Variants in SLC1A2 observed in about 807,000 individuals in gnomAD.
SLC1A2 encodes excitatory amino acid transporter 2.
Under a neutral mutation model 48.8 loss-of-function variants are expected in SLC1A2, and 15 were observed. That is an observed-to-expected ratio of 0.31 (90% CI 0.21 to 0.47). The LOEUF (loss-of-function observed/expected upper bound fraction) is 0.47. Among genes scored for constraint, SLC1A2 ranks in the 20% least tolerant of loss-of-function variants. The pLI, the probability that SLC1A2 is intolerant of heterozygous loss-of-function variation, is 0.99. For missense variants in SLC1A2, 502 were observed against 730.5 expected (o/e 0.69, Z 3.61); for synonymous variants, 279 against 272.6 (o/e 1.02, Z -0.23).
chr11:35,382,130 T>C (rs115245915), intron 1 of SLC1A2, among the ~76,000 whole-genome samples: 3,860 of 152,248 alleles, frequency 0.025, 154 homozygotes, highest in African/African-American at 0.088. Flanking sequence ...AACTAAGAAA[T>C]GAAATCAAAC....
At chr11:35,393,416 C>G (rs2135247347) in intron 1 of SLC1A2, among the ~76,000 whole-genome samples, 1 of 152,292 alleles carries the variant, frequency 6.6e-6, no homozygotes, top group South Asian at 2.1e-4. Context: ...CAGGCCAGCC[C>G]AGCTCCTGAC....
intron 1 of SLC1A2, among the ~76,000 whole-genome samples, chr11:35,336,189 G>C (rs1372866069): frequency 1.3e-5 from 2 of 152,136 alleles, no homozygotes; most frequent in East Asian, 3.9e-4. Flanking sequence ...TGGGGGTAGA[G>C]CATTAGGAAA....
intron 1 of SLC1A2, among the ~76,000 whole-genome samples, chr11:35,350,124 T>C (rs1853191392): frequency 6.6e-6 from 1 of 152,220 alleles, no homozygotes; most frequent in Non-Finnish European, 1.5e-5. Context: ...AATACCTATC[T>C]GCTAAGATGT....
chr11:35,386,121 GC>G (rs1854577934), intron 1 of SLC1A2, among the ~76,000 whole-genome samples: 1 of 152,040 alleles, frequency 6.6e-6, no homozygotes, highest in African/African-American at 2.4e-5. Context: ...AGCCGAGATG[GC>G]GCCACTGCAC....
intron 9 of SLC1A2, among the ~76,000 whole-genome samples, chr11:35,274,950 T>A (rs1850393516): frequency 6.6e-6 from 1 of 152,194 alleles, no homozygotes; most frequent in Non-Finnish European, 1.5e-5. Flanking sequence ...GGTGCTCATA[T>A]ACCCACAATC....
At chr11:35,388,932 A>G (rs1854670377) in intron 1 of SLC1A2, among the ~76,000 whole-genome samples, 1 of 152,164 alleles carries the variant, frequency 6.6e-6, no homozygotes, top group African/African-American at 2.4e-5. Context: ...AATAATAAAC[A>G]CCGGGGACTC....
At chr11:35,305,297 G>T (rs747060042) in intron 5 of SLC1A2, among the ~76,000 whole-genome samples, 53 of 152,176 alleles carry the variant, frequency 3.5e-4, no homozygotes, top group Non-Finnish European at 5.9e-4. Context: ...AGCTCATACG[G>T]AGAGAGCACA....
chr11:35,281,067 T>C (rs1850618087), intron 8 of SLC1A2, 66 bp from the exon 9 acceptor site: 1 of 1,460,872 alleles, frequency 6.8e-7, no homozygotes, highest in Non-Finnish European at 9.1e-7. Flanking sequence ...ACCCTGGCAA[T>C]TTTAAGCTCT....
At chr11:35,307,590 T>C (rs141628125) in intron 4 of SLC1A2, among the ~76,000 whole-genome samples, 1 of 152,354 alleles carries the variant, frequency 6.6e-6, no homozygotes, top group African/African-American at 2.4e-5. Flanking sequence ...AGGTAACAGA[T>C]GGCTGAACCC....
chr11:35,335,669 C>T (rs1232852602), intron 1 of SLC1A2, among the ~76,000 whole-genome samples: 1 of 152,130 alleles, frequency 6.6e-6, no homozygotes, highest in Non-Finnish European at 1.5e-5. Flanking sequence ...CAAGCAAAAT[C>T]TGATCCAGTC....
chr11:35,365,596 G>A (rs980134991), intron 1 of SLC1A2, among the ~76,000 whole-genome samples: 2 of 64,666 alleles, frequency 3.1e-5, no homozygotes, highest in African/African-American at 1.9e-4. Context: ...ACCCCGCTCT[G>A]CTGTCTCTGT....
intron 1 of SLC1A2, among the ~76,000 whole-genome samples, chr11:35,400,423 A>G (rs1368532495): frequency 6.6e-6 from 1 of 152,238 alleles, no homozygotes; most frequent in Non-Finnish European, 1.5e-5. Context: ...TGCTCCCACT[A>G]TAAAAAATGT....
Position 35,286,838 on chromosome 11 carries a change from G to A in SLC1A2, c.1205C>T (p.Ala402Val), listed in dbSNP as rs1370987569. 6.2e-7 allele frequency: 1 copy of A among 1,613,888 alleles called. No individual in the cohort carries two copies. The highest frequency in any genetic ancestry group is 1.1e-5 in the South Asian group (1 of 91,070). Residue 402 changes from alanine (A) to valine (V), a missense_variant, in exon 8 of 11, where the codon GCC becomes GTC. Ala to Val is a moderately conservative substitution (Grantham distance 64, BLOSUM62 0). This residue lies in a region of SLC1A2 where 309 missense variants were observed against 480.3 expected (regional missense o/e 0.64). Transcript: ENST00000278379. ...GATGGCGGCTACCGCTTCATAAAGG[G>A]CTGTACCATCCATGTTAATGGTTGC... ...VGATINMDGT[A>V]LYEAVAAIFI...
At chr11:35,353,514 C>G (rs940288113) in intron 1 of SLC1A2, among the ~76,000 whole-genome samples, 3 of 152,236 alleles carry the variant, frequency 2.0e-5, no homozygotes, top group Non-Finnish European at 4.4e-5. Context: ...CTTGTTTCCT[C>G]ACTGCTAAAT....
At chr11:35,308,054 A>T (rs937219523) in intron 4 of SLC1A2, among the ~76,000 whole-genome samples, 2 of 152,206 alleles carry the variant, frequency 1.3e-5, no homozygotes, top group Non-Finnish European at 2.9e-5. Flanking sequence ...AAGAAAAGGG[A>T]ACCAAAGCCA....
At chr11:35,327,910 G>C (rs1010575255) in intron 1 of SLC1A2, among the ~76,000 whole-genome samples, 1 of 152,108 alleles carries the variant, frequency 6.6e-6, no homozygotes, top group African/African-American at 2.4e-5. Flanking sequence ...TGTTTTATGG[G>C]TATACTCTTT....
At chr11:35,360,169 T>G (rs1463894645) in intron 1 of SLC1A2, 1 of 756,586 alleles carries the variant, frequency 1.3e-6, no homozygotes, top group Non-Finnish European at 1.6e-6. Context: ...ACCTACCCAG[T>G]GTTTTGATGA....
chr11:35,290,165 T>C (rs61882291), intron 7 of SLC1A2, among the ~76,000 whole-genome samples: 38,142 of 152,106 alleles, frequency 0.25, 4,942 homozygotes, highest in Admixed American at 0.3. Context: ...AATCTGGTAA[T>C]GTGCTTCAAA....
At chr11:35,368,691 G>A (rs557969018) in intron 1 of SLC1A2, among the ~76,000 whole-genome samples, 1 of 152,292 alleles carries the variant, frequency 6.6e-6, no homozygotes, top group South Asian at 2.1e-4. Flanking sequence ...TCCTAGCTCT[G>A]CAGGCTTGCT....
Sources: allele counts gnomAD v4.1 joint callset (sites outside exome capture counted in the v4.1 genomes callset), GRCh38; gene constraint gnomAD v4.1.1; regional missense constraint gnomAD v4.1.1; transcripts MANE v1.5; gene names NCBI Gene and HGNC (gene_info 2026-07-23, HGNC 2026-07-21).